Variants in MATCAP2 observed in about 807,000 individuals in gnomAD.
The protein encoded by MATCAP2 is microtubule associated tyrosine carboxypeptidase 2, also known as putative tyrosine carboxypeptidase MATCAP2.
At chr7:36,329,944 A>T in the MATCAP2 span, among the ~76,000 whole-genome samples, 3 of 152,234 alleles carry the variant, frequency 2.0e-5, no homozygotes, top group African/African-American at 7.2e-5. Flanking sequence ...CACATCACTT[A>T]TGTAGTATTC....
At chr7:36,367,105 A>G in the MATCAP2 span, 4 of 1,238,462 alleles carry the variant, frequency 3.2e-6, no homozygotes, top group Non-Finnish European at 4.0e-6. Flanking sequence ...GCGGACGAAG[A>G]CGTACCGACA....
chr7:36,340,660 T>G, the MATCAP2 span, among the ~76,000 whole-genome samples: 2 of 152,212 alleles, frequency 1.3e-5, no homozygotes, highest in Non-Finnish European at 2.9e-5. Flanking sequence ...GACAGACTTA[T>G]CAGTGATCTG....
the MATCAP2 span, among the ~76,000 whole-genome samples, chr7:36,327,256 A>T: frequency 6.6e-6 from 1 of 152,094 alleles, no homozygotes; most frequent in African/African-American, 2.4e-5. Context: ...CTCCTGCCTC[A>T]GCCTCCTGAG....
chr7:36,367,149 C>G, the MATCAP2 span: 1 of 1,218,944 alleles, frequency 8.2e-7, no homozygotes, highest in Non-Finnish European at 1.0e-6. Flanking sequence ...CAGCCCGTAG[C>G]TACTGGAAGG....
the MATCAP2 span, among the ~76,000 whole-genome samples, chr7:36,366,232 C>A: frequency 1.2e-4 from 18 of 152,098 alleles, no homozygotes; most frequent in Non-Finnish European, 2.2e-4. Context: ...GGGAAAATGG[C>A]CTAGAAAATT....
the MATCAP2 span, among the ~76,000 whole-genome samples, chr7:36,379,847 C>CACAGAGAGAGAGAG: frequency 4.0e-4 from 43 of 107,696 alleles, no homozygotes; most frequent in East Asian, 6.9e-3. Flanking sequence ...CACACACACA[C>CACAGAGAGAGAGAG]AGAGAGAGAG....
the MATCAP2 span, among the ~76,000 whole-genome samples, chr7:36,382,072 C>T: frequency 6.6e-6 from 1 of 151,832 alleles, no homozygotes; most frequent in Admixed American, 6.6e-5. Flanking sequence ...GTGGGCAGAT[C>T]ACCTGAGGTC....
At chr7:36,370,563 C>T in the MATCAP2 span, among the ~76,000 whole-genome samples, 1 of 152,136 alleles carries the variant, frequency 6.6e-6, no homozygotes, top group East Asian at 1.9e-4. Context: ...CTCACTGCAA[C>T]CTCTGCCTCC....
At chr7:36,367,000 G>C in the MATCAP2 span, 1 of 1,313,594 alleles carries the variant, frequency 7.6e-7, no homozygotes, top group South Asian at 2.3e-5. Flanking sequence ...GCCGCGCAGG[G>C]GCGGGCGGCC....
chr7:36,327,367 T>C, the MATCAP2 span, among the ~76,000 whole-genome samples: 1 of 152,204 alleles, frequency 6.6e-6, no homozygotes, highest in Non-Finnish European at 1.5e-5. Flanking sequence ...ACTCCTGACC[T>C]CAGGTGATCC....
the MATCAP2 span, among the ~76,000 whole-genome samples, chr7:36,384,117 G>C: frequency 6.6e-6 from 1 of 152,026 alleles, no homozygotes; most frequent in Non-Finnish European, 1.5e-5. Flanking sequence ...GAGGGTCTTT[G>C]TTGCAGTCCC....
the MATCAP2 span, among the ~76,000 whole-genome samples, chr7:36,373,062 G>A: frequency 5.3e-4 from 79 of 148,388 alleles, 1 homozygote; most frequent in East Asian, 0.014. Flanking sequence ...CCAAGATGGT[G>A]CCACTGCACT....
At chr7:36,366,642 T>A in the MATCAP2 span, 2 of 1,519,854 alleles carry the variant, frequency 1.3e-6, no homozygotes, top group Non-Finnish European at 1.8e-6. Context: ...TGTACCTTTG[T>A]AAGACCAGCA....
the MATCAP2 span, among the ~76,000 whole-genome samples, chr7:36,367,926 G>T: frequency 6.6e-6 from 1 of 151,954 alleles, no homozygotes; most frequent in Non-Finnish European, 1.5e-5. Flanking sequence ...TGAACAAATC[G>T]TGGTGGCACA....
At chr7:36,386,796 A>G in the MATCAP2 span, among the ~76,000 whole-genome samples, 1 of 152,222 alleles carries the variant, frequency 6.6e-6, no homozygotes, top group East Asian at 1.9e-4. Flanking sequence ...CATATTGGGG[A>G]GGAACTAGAG....
the MATCAP2 span, chr7:36,366,995 G>T: frequency 2.3e-6 from 3 of 1,315,928 alleles, no homozygotes; most frequent in Non-Finnish European, 1.9e-6. Context: ...AAAGGGCCGC[G>T]CAGGGGCGGG....
At chr7:36,373,145 C>T in the MATCAP2 span, among the ~76,000 whole-genome samples, 1 of 147,994 alleles carries the variant, frequency 6.8e-6, no homozygotes, top group Non-Finnish European at 1.5e-5. Flanking sequence ...AAATGATGTA[C>T]ATGCATCAAT....
chr7:36,364,128 CCA>C, the MATCAP2 span, among the ~76,000 whole-genome samples: 59 of 146,498 alleles, frequency 4.0e-4, 1 homozygote, highest in African/African-American at 1.5e-3. Context: ...CACTCTGTGG[CCA>C]AGGCTGGAGT....
chr7:36,335,729 G>A, the MATCAP2 span, among the ~76,000 whole-genome samples: 2 of 152,276 alleles, frequency 1.3e-5, no homozygotes, highest in East Asian at 1.9e-4. Context: ...AAATCTGGGC[G>A]ACTAATTTAA....
Sources: gnomAD v4.1 joint callset for allele counts (sites outside exome capture counted in the v4.1 genomes callset) on GRCh38, gnomAD v4.1.1 for gene constraint, MANE v1.5 for transcripts, NCBI Gene and HGNC (gene_info 2026-07-23, HGNC 2026-07-21) for gene names.